Variants in CDK19 observed in about 807,000 individuals in gnomAD.
CDK19 encodes cyclin-dependent kinase 19.
CDK19 carries 20 observed loss-of-function variants against 68.3 expected under a neutral mutation model. The ratio of observed to expected loss-of-function variants is 0.29; its 90% CI spans 0.21 to 0.43. The LOEUF is 0.43. CDK19 is among the 20% of genes least tolerant of loss of function. The pLI, the probability that CDK19 is intolerant of heterozygous loss-of-function variation, is 1.00. For missense variants in CDK19, 339 were observed against 623.5 expected, an observed-to-expected ratio of 0.54 and a Z score of 4.86; for synonymous variants, 221 against 222.8, an observed-to-expected ratio of 0.99 and a Z score of 0.07.
rs746917763 is a variant in CDK19, at chr6:110,670,470, C to T, written c.276G>A (p.Lys92=). ...CTGCATAATCAAACAGCAGCCATAC[C>T]TTCCTGTCACTGTGAGAAAGGAACA... ...QKVFLSHSDR[K]VWLLFDYAEH... is the part of the protein sequence containing the mutation. The change falls in exon 3 of 13, where the codon AAG becomes AAA. Residue 92 remains lysine (K), a synonymous_variant. Transcript: ENST00000368911. The T allele has an allele frequency of 6.2e-7, 1 of 1,611,748 alleles. No individual in the cohort carries two copies. Among genetic ancestry groups the T allele is most frequent in the Non-Finnish European group, 8.5e-7 (1 of 1,177,866 alleles).
chr6:110,663,616 T>C (rs1781745319), intron 4 of CDK19, among the ~76,000 whole-genome samples: 1 of 152,186 alleles, frequency 6.6e-6, no homozygotes, highest in Admixed American at 6.5e-5. Context: ...ACTGCAGCCT[T>C]GACCTCCTGG....
chr6:110,623,613 T>C (rs1426288637), intron 8 of CDK19: 1 of 168,244 alleles, frequency 5.9e-6, no homozygotes, highest in East Asian at 1.9e-4. Context: ...GTGTTGAAAA[T>C]GTGTATAGCT....
Position 110,663,441 on chromosome 6 carries a change from C to T in CDK19, c.456+3993G>A, listed in dbSNP as rs533371751. 1.3e-4 allele frequency among the ~76,000 whole-genome samples: 20 copies of T among 152,260 alleles called. 1 individual carries two copies. In the South Asian group the frequency reaches 4.2e-3, roughly 32 times the overall value. On this transcript the variant is annotated intron_variant, in intron 4 of 12. Transcript: ENST00000368911. ...TACTCCTGAAAGTACTTTGGCAAAA[C>T]CATGACAATATGGCACAGATATCAG...
At chr6:110,804,911 G>C (rs576732750) in intron 1 of CDK19, among the ~76,000 whole-genome samples, 1 of 151,264 alleles carries the variant, frequency 6.6e-6, no homozygotes, top group African/African-American at 2.4e-5. Flanking sequence ...AGCCGAGATC[G>C]CGCCACTGCA....
chr6:110,703,253 C>A (rs1343641838), intron 2 of CDK19, among the ~76,000 whole-genome samples: 1 of 151,950 alleles, frequency 6.6e-6, no homozygotes, highest in Non-Finnish European at 1.5e-5. Flanking sequence ...AGAGCCAGAC[C>A]AAGAATAGGC....
intron 2 of CDK19, among the ~76,000 whole-genome samples, chr6:110,717,254 T>A (rs1254936197): frequency 6.6e-6 from 1 of 152,148 alleles, no homozygotes; most frequent in African/African-American, 2.4e-5. Flanking sequence ...TATGTATATA[T>A]CCCTTATGAA....
intron 4 of CDK19, among the ~76,000 whole-genome samples, chr6:110,662,866 C>T (rs1359801085): frequency 6.6e-6 from 1 of 152,166 alleles, no homozygotes; most frequent in African/African-American, 2.4e-5. Context: ...ATTTAGCTCT[C>T]TTTCTCCTTT....
chr6:110,658,152 G>C (rs1356473452), intron 4 of CDK19, among the ~76,000 whole-genome samples: 1 of 152,110 alleles, frequency 6.6e-6, no homozygotes, highest in Admixed American at 6.5e-5. Flanking sequence ...AGCAAGACAG[G>C]AGCATGGATG....
chr6:110,793,876 T>C (rs1185114129), intron 1 of CDK19, among the ~76,000 whole-genome samples: 1 of 152,222 alleles, frequency 6.6e-6, no homozygotes, highest in Non-Finnish European at 1.5e-5. Flanking sequence ...TGAATACTTG[T>C]TAATATCCTG....
chr6:110,721,687 C>T (rs143524731), intron 2 of CDK19, among the ~76,000 whole-genome samples: 9 of 152,222 alleles, frequency 5.9e-5, no homozygotes, highest in Middle Eastern at 3.4e-3. Flanking sequence ...AAGATCAGGC[C>T]GGGCATGGCA....
At chr6:110,679,548 G>A (rs1337688471) in intron 2 of CDK19, among the ~76,000 whole-genome samples, 2 of 152,210 alleles carry the variant, frequency 1.3e-5, no homozygotes, top group East Asian at 3.9e-4. Context: ...GGAGGCGGAG[G>A]TTGCAGTGAG....
intron 5 of CDK19, among the ~76,000 whole-genome samples, chr6:110,637,832 A>G (rs992805706): frequency 2.6e-5 from 4 of 152,176 alleles, no homozygotes; most frequent in Non-Finnish European, 5.9e-5. Flanking sequence ...ACACAAAAAA[A>G]TTAGCCAGGC....
chr6:110,716,428 GA>G (rs199843405), intron 2 of CDK19, among the ~76,000 whole-genome samples: 2 of 150,318 alleles, frequency 1.3e-5, no homozygotes, highest in Non-Finnish European at 3.0e-5. Context: ...TTGTAACAAA[GA>G]AAAAAAAACC....
intron 2 of CDK19, among the ~76,000 whole-genome samples, chr6:110,682,464 C>T (rs1278320080): frequency 5.3e-5 from 8 of 152,150 alleles, no homozygotes; most frequent in African/African-American, 1.9e-4. Context: ...TTCACACCTA[C>T]GACAGGCCTT....
chr6:110,646,056 T>C, intron 4 of CDK19: 1 of 888,174 alleles, frequency 1.1e-6, no homozygotes. Context: ...TATCCCTTTG[T>C]TGCCAGGCAT....
At chr6:110,695,866 CAACA>C (rs1366203181) in intron 2 of CDK19, among the ~76,000 whole-genome samples, 2 of 150,904 alleles carry the variant, frequency 1.3e-5, no homozygotes, top group Non-Finnish European at 3.0e-5. Context: ...AAAAAACTAC[CAACA>C]AAAAAAGTCC....
At chr6:110,814,973 C>T in intron 1 of CDK19, 36 bp downstream of exon 1, 2 of 1,597,328 alleles carry the variant, frequency 1.3e-6, no homozygotes, top group South Asian at 1.1e-5. Context: ...AGGGCGAGGA[C>T]CCGAGCGAGC....
chr6:110,804,872 C>T (rs1025055520), intron 1 of CDK19, among the ~76,000 whole-genome samples: 1 of 151,592 alleles, frequency 6.6e-6, no homozygotes, highest in Non-Finnish European at 1.5e-5. Flanking sequence ...AGTAGAATGG[C>T]GTGAACCCAG....
At chr6:110,748,808 G>A (rs1778252367) in intron 1 of CDK19, among the ~76,000 whole-genome samples, 1 of 152,188 alleles carries the variant, frequency 6.6e-6, no homozygotes, top group Non-Finnish European at 1.5e-5. Flanking sequence ...GTTCCTCCAA[G>A]TAGAGGAATT....
Sources: allele counts gnomAD v4.1 joint callset (sites outside exome capture counted in the v4.1 genomes callset), GRCh38; gene constraint gnomAD v4.1.1; transcripts MANE v1.5; gene names NCBI Gene and HGNC (gene_info 2026-07-23, HGNC 2026-07-21).